CFAP53: variants seen among roughly 807,000 people sequenced by gnomAD.
The protein encoded by CFAP53 is cilia and flagella associated protein 53.
In CFAP53, 62 loss-of-function variants were observed where a neutral mutation model predicts 59.7. The ratio of observed to expected loss-of-function variants is 1.04; its 90% CI spans 0.85 to 1.28. The LOEUF (loss-of-function observed/expected upper bound fraction) is 1.28, where lower values mean the gene tolerates loss of function less well. Ranked by LOEUF, CFAP53 falls within the 50% of genes most tolerant of loss-of-function variation. The probability of loss-of-function intolerance (pLI) is 0.00; values close to 1 mark genes in which losing one functional copy is unlikely to be tolerated. For synonymous variants in CFAP53, 218 were observed against 205.7 expected (o/e 1.06, Z -0.51); for missense variants, 629 against 615.6 (o/e 1.02, Z -0.23).
At chr18:50,230,767 G>A (rs1180492481) in intron 7 of CFAP53, among the ~76,000 whole-genome samples, 1 of 152,168 alleles carries the variant, frequency 6.6e-6, no homozygotes, top group Non-Finnish European at 1.5e-5. Flanking sequence ...ACACCCAGTT[G>A]GGGTCTGGAG....
intron 7 of CFAP53, 72 bp from the exon 8 acceptor site, chr18:50,227,681 T>A: frequency 8.7e-7 from 1 of 1,148,778 alleles, no homozygotes; most frequent in Non-Finnish European, 1.3e-6. Flanking sequence ...GCATTACAAT[T>A]AAAATATAAT....
At position 50,227,286 on chromosome 18, in the gene CFAP53, A is replaced by T; in HGVS notation, c.*95T>A. 1 of 986,746 alleles carries T rather than the reference A, an allele frequency of 1.0e-6. No individual in the cohort carries two copies. The highest frequency in any genetic ancestry group is 1.5e-6 in the Non-Finnish European group (1 of 671,496). 61.1% of individuals were successfully genotyped at this position (986,746 alleles called of 1,614,324 possible). On this transcript the variant is annotated 3_prime_UTR_variant, in exon 8 of 8. Transcript: ENST00000398545. ...ATTAATTACACAAACTCAGGGAAAAAAGAAAAGTTTATCCAGGAGTTAAAA... is the reference window on the plus strand; with the variant it reads ...ATTAATTACACAAACTCAGGGAAAATAGAAAAGTTTATCCAGGAGTTAAAA...
intron 5 of CFAP53, among the ~76,000 whole-genome samples, 191 bp from the exon 6 acceptor site, chr18:50,243,307 A>C (rs544607363): frequency 2.6e-5 from 4 of 152,348 alleles, no homozygotes; most frequent in African/African-American, 9.6e-5. Flanking sequence ...AGGGATATAG[A>C]AGAGACAAGA....
chr18:50,262,135 C>A lies in CFAP53; in HGVS notation c.154G>T (p.Ala52Ser). 1 of 1,614,190 alleles carries A rather than the reference C, an allele frequency of 6.2e-7. No homozygotes were observed. Among genetic ancestry groups the A allele is most frequent in the Non-Finnish European group, 8.5e-7 (1 of 1,180,038 alleles). Residue 52 changes from alanine to serine, a missense_variant, in exon 2 of 8, where the codon GCT becomes TCT. Ala to Ser is a moderately conservative substitution (Grantham distance 99). Transcript: ENST00000398545. Reference sequence around the variant, plus strand: ...TCCCGCTCACTTGACTTAATGGAAGCCAAAATAGCATTATGCTTCTGATGG... The same window carrying A: ...TCCCGCTCACTTGACTTAATGGAAGACAAAATAGCATTATGCTTCTGATGG... Reference protein sequence around the residue: ...RSHQKHNAILASIKSSERDRL... With the variant: ...RSHQKHNAILSSIKSSERDRL...
intron 3 of CFAP53, among the ~76,000 whole-genome samples, chr18:50,254,583 T>TA (rs1054038237): frequency 1.3e-5 from 2 of 152,088 alleles, no homozygotes; most frequent in African/African-American, 4.8e-5. Context: ...TAGTGTTTAT[T>TA]AAAAAAGAAA....
chr18:50,259,446 CTGGGAAGGA>C lies in CFAP53; in HGVS notation c.473+1609_473+1617del, dbSNP rs1281791044. Among the ~76,000 whole-genome samples, 13 of 116,758 alleles carry C rather than the reference CTGGGAAGGA, an allele frequency of 1.1e-4. No homozygotes were observed. In the East Asian group the frequency reaches 3.5e-3, roughly 32 times the overall value. The allele number at this position is 116,758 out of a possible 152,430, so 76.6% of individuals were successfully genotyped here. A position where few individuals can be genotyped will look rare whatever the true frequency, so the allele number is the denominator to read the frequency against. On this transcript the variant is annotated intron_variant, in intron 3 of 7. Coordinates refer to ENST00000398545, the MANE Select transcript of CFAP53 (RefSeq NM_145020.5). ...GATAGAGAAGGATGGTTACCAGAGG[CTGGGAAGGA>C]TAGTGGGGGGTTGGGGGTGGAGGTG...
In CFAP53 at chr18:50,262,093, A is replaced by T; in HGVS notation, c.196T>A (p.Trp66Arg). 1 of 1,614,148 alleles carries T rather than the reference A, an allele frequency of 6.2e-7. No individual in the cohort carries two copies. The highest frequency in any genetic ancestry group is 1.7e-5 in the Admixed American group (1 of 60,016). Residue 66 changes from tryptophan (W) to arginine (R), a missense_variant, in exon 2 of 8, where the codon TGG becomes AGG. Coordinates refer to ENST00000398545, the MANE Select transcript of CFAP53 (RefSeq NM_145020.5). ...ATCTTGCAGTCATTGTGCTGGTCCC[A>T]CTCAGCTTTCAAGCGATCCCGCTCA... is the stretch of plus-strand genomic sequence containing the variant. ...SSERDRLKAE[W>R]DQHNDCKILD...
intron 3 of CFAP53, among the ~76,000 whole-genome samples, chr18:50,254,884 T>C (rs989738767): frequency 6.6e-6 from 1 of 152,170 alleles, no homozygotes; most frequent in African/African-American, 2.4e-5. Flanking sequence ...AGAGTGAAAC[T>C]CTGTCTCAAA....
chr18:50,235,463 A>G lies in CFAP53; in HGVS notation c.1316+3140T>C, dbSNP rs544023067. Among the ~76,000 whole-genome samples the G allele has an allele frequency of 4.7e-4, 71 of 152,256 alleles. 1 individual carries two copies. The highest frequency in any genetic ancestry group is 8.8e-4 in the Non-Finnish European group (60 of 68,006). The stretch of plus-strand genomic sequence containing the variant: ...GCGCCTGTAACCCCAGCTACTTGGG[A>G]GGCTGAGGCAGGAGAATCACTTGAA... On this transcript the variant is annotated intron_variant, in intron 7 of 7. Coordinates refer to ENST00000398545, the MANE Select transcript of CFAP53 (RefSeq NM_145020.5).
intron 3 of CFAP53, among the ~76,000 whole-genome samples, chr18:50,255,264 G>A (rs997575942): frequency 6.6e-6 from 1 of 152,168 alleles, no homozygotes; most frequent in African/African-American, 2.4e-5. Flanking sequence ...GAGATTAGTT[G>A]TTGCCAGGGT....
At chr18:50,249,726 T>C (rs1023723472) in intron 5 of CFAP53, among the ~76,000 whole-genome samples, 4 of 152,006 alleles carry the variant, frequency 2.6e-5, no homozygotes, top group Non-Finnish European at 5.9e-5. Context: ...AAGAGGGAAG[T>C]AGGTGTGTCT....
intron 6 of CFAP53, among the ~76,000 whole-genome samples, 161 bp from the exon 7 acceptor site, chr18:50,238,866 T>C (rs966418669): frequency 2.0e-5 from 3 of 152,032 alleles, no homozygotes; most frequent in African/African-American, 7.2e-5. Context: ...AATTGAGAAA[T>C]AAATTGGGTT....
intron 3 of CFAP53, among the ~76,000 whole-genome samples, chr18:50,259,161 T>A (rs2033869796): frequency 6.6e-6 from 1 of 152,198 alleles, no homozygotes; most frequent in Non-Finnish European, 1.5e-5. Flanking sequence ...CTATGTTTGT[T>A]GTAGTGCTGT....
chr18:50,249,335 T>C lies in CFAP53; in HGVS notation c.996+1423A>G, dbSNP rs180796898. On this transcript the variant is annotated intron_variant, in intron 5 of 7. Transcript: ENST00000398545. ...GAGTTCAAGACCAGCCTGGGCAGCA[T>C]AGTGAGACCCCATCTCTACAAAAAA... Among the ~76,000 whole-genome samples, 5 of 151,072 alleles carry C rather than the reference T, an allele frequency of 3.3e-5. No homozygotes were observed. In the East Asian group the frequency reaches 7.8e-4, roughly 24 times the overall value.
intron 3 of CFAP53, among the ~76,000 whole-genome samples, chr18:50,255,200 T>C (rs2033836124): frequency 6.6e-6 from 1 of 152,204 alleles, no homozygotes; most frequent in African/African-American, 2.4e-5. Flanking sequence ...AAAGATCACA[T>C]ATTGTGTGAT....
At chr18:50,261,304 C>T (rs2033891995) in intron 2 of CFAP53, 67 bp from the exon 3 acceptor site, 1 of 1,391,144 alleles carries the variant, frequency 7.2e-7, no homozygotes, top group East Asian at 2.6e-5. Flanking sequence ...TCGTTATATT[C>T]AATTTCAGAA....
At chr18:50,242,318 TTAAAG>T (rs2033697754) in intron 6 of CFAP53, among the ~76,000 whole-genome samples, 1 of 152,168 alleles carries the variant, frequency 6.6e-6, no homozygotes. Context: ...GATTAAGAGA[TTAAAG>T]TAAGACAGGC....
rs2033986968 is a variant in CFAP53 at position 50,266,485 on chromosome 18, C to T, written c.-81G>A. On this transcript the variant is annotated 5_prime_UTR_variant, in exon 1 of 8. Coordinates refer to ENST00000398545, the MANE Select transcript of CFAP53 (RefSeq NM_145020.5). ...CGACCTGCGGGACCCGCTTCCGCGACGCAGAAGTCTGGTTGCCATGGTGCG... is the reference window on the plus strand; with the variant it reads ...CGACCTGCGGGACCCGCTTCCGCGATGCAGAAGTCTGGTTGCCATGGTGCG... The T allele has an allele frequency of 2.8e-6, 4 of 1,410,558 alleles. No individual in the cohort carries two copies. The highest frequency in any genetic ancestry group is 4.0e-6 in the Non-Finnish European group (4 of 995,136). 87.4% of individuals were successfully genotyped at this position (1,410,558 alleles called of 1,614,324 possible). A position where few individuals can be genotyped will look rare whatever the true frequency, so the allele number is the denominator to read the frequency against.
At chr18:50,236,428 C>T (rs2033634218) in intron 7 of CFAP53, among the ~76,000 whole-genome samples, 1 of 152,220 alleles carries the variant, frequency 6.6e-6, no homozygotes, top group Non-Finnish European at 1.5e-5. Flanking sequence ...CTATCTCCAT[C>T]TCCTTGAATC....
Sources: allele counts gnomAD v4.1 joint callset (sites outside exome capture counted in the v4.1 genomes callset), GRCh38; gene constraint gnomAD v4.1.1; transcripts MANE v1.5; gene names NCBI Gene and HGNC (gene_info 2026-07-23, HGNC 2026-07-21).